HECTD2: variants seen among roughly 807,000 people sequenced by gnomAD.
HECTD2 encodes the protein HECT domain E3 ubiquitin protein ligase 2.
A neutral mutation model predicts 103.2 loss-of-function variants in HECTD2; 35 were observed. That is an observed-to-expected ratio of 0.34 (90% confidence interval 0.26 to 0.45). The LOEUF (loss-of-function observed/expected upper bound fraction) is 0.45. Among genes scored for constraint, HECTD2 ranks in the 20% least tolerant of loss-of-function variants. The pLI is 1.00. For synonymous variants in HECTD2, 281 were observed against 329.9 expected, an observed-to-expected ratio of 0.85 and a Z score of 1.61; for missense variants, 596 against 937.4, an observed-to-expected ratio of 0.64 and a Z score of 4.76.
At chr10:91,489,168 C>A (rs1360488797) in intron 11 of HECTD2, 1 of 152,138 alleles carries the variant, frequency 6.6e-6, no homozygotes, top group Non-Finnish European at 1.5e-5. Context: ...TTTTCTTCTA[C>A]TTTAAAGAAG....
chr10:91,449,424 C>G (rs927453631), intron 2 of HECTD2, among the ~76,000 whole-genome samples: 8 of 151,926 alleles, frequency 5.3e-5, no homozygotes, highest in African/African-American at 1.9e-4. Context: ...TATGACAAAC[C>G]CACAGTCAAT....
chr10:91,410,676 C>A, intron 1 of HECTD2, 100 bp downstream of exon 1: 1 of 1,083,492 alleles, frequency 9.2e-7, no homozygotes, highest in Non-Finnish European at 1.2e-6. Context: ...TTACCCTGGG[C>A]ACGCCCTGGC....
intron 3 of HECTD2, 99 bp downstream of exon 3, chr10:91,460,664 A>C: frequency 8.3e-7 from 1 of 1,200,988 alleles, no homozygotes; most frequent in East Asian, 2.6e-5. Context: ...TTGGATCACT[A>C]TAAGATATTA....
chr10:91,449,691 G>T (rs181317062), intron 2 of HECTD2, among the ~76,000 whole-genome samples: 1 of 152,162 alleles, frequency 6.6e-6, no homozygotes, highest in Non-Finnish European at 1.5e-5. Flanking sequence ...CTTCAGCAAA[G>T]TCTCAGGATA....
chr10:91,413,568 T>A (rs1019716960), intron 1 of HECTD2, among the ~76,000 whole-genome samples: 9 of 152,368 alleles, frequency 5.9e-5, no homozygotes, highest in South Asian at 2.1e-4. Context: ...GCATCTTTTT[T>A]AAATTTAATT....
intron 2 of HECTD2, among the ~76,000 whole-genome samples, chr10:91,426,603 C>T (rs192443393): frequency 6.6e-6 from 1 of 151,746 alleles, no homozygotes; most frequent in Admixed American, 6.6e-5. Flanking sequence ...CACACCCCTC[C>T]GTCACGCCAA....
intron 20 of HECTD2, among the ~76,000 whole-genome samples, chr10:91,510,930 C>T (rs369714296): frequency 3.5e-4 from 53 of 152,250 alleles, no homozygotes; most frequent in African/African-American, 1.3e-3. Context: ...TGTATATTTA[C>T]ATGTCTATTT....
rs1846798899 is a variant in HECTD2 at position 91,499,267 on chromosome 10, T to G, written c.1950+117T>G. ...TTTAAAATAGAAAATATTTTCTACT[T>G]TTTAAAAGTAGAACTAAAAACAAAA... is the stretch of plus-strand genomic sequence containing the variant. On this transcript the variant is annotated intron_variant, in intron 18 of 20. Transcript: ENST00000298068. 4.8e-6 allele frequency: 3 copies of G among 627,110 alleles called. No individual in the cohort carries two copies. In the South Asian group the frequency reaches 8.1e-5, roughly 17 times the overall value. 38.8% of individuals were successfully genotyped at this position (627,110 alleles called of 1,614,324 possible).
chr10:91,459,169 CAG>C (rs1845235478), intron 2 of HECTD2, among the ~76,000 whole-genome samples: 1 of 151,982 alleles, frequency 6.6e-6, no homozygotes, highest in East Asian at 1.9e-4. Flanking sequence ...TAAAATCACA[CAG>C]AAATATTATG....
intron 19 of HECTD2, among the ~76,000 whole-genome samples, chr10:91,500,901 T>C (rs1846875435): frequency 6.6e-6 from 1 of 152,130 alleles, no homozygotes; most frequent in Admixed American, 6.5e-5. Flanking sequence ...TCCTTGTAAA[T>C]AACAGTTTAA....
intron 1 of HECTD2, among the ~76,000 whole-genome samples, chr10:91,414,949 G>A (rs751966690): frequency 2.0e-5 from 3 of 152,112 alleles, no homozygotes; most frequent in Admixed American, 6.6e-5. Flanking sequence ...ACAACATAAT[G>A]AAATCAGTGG....
At chr10:91,419,781 G>A (rs1267892485) in intron 1 of HECTD2, among the ~76,000 whole-genome samples, 9 of 152,090 alleles carry the variant, frequency 5.9e-5, no homozygotes, top group African/African-American at 1.9e-4. Context: ...ACAGCTGGTT[G>A]AGTATCCCAC....
In HECTD2 at chr10:91,501,210, C is replaced by T. The variant is rs1473168338; in HGVS notation, c.2086C>T (p.Leu696Phe). The T allele has an allele frequency of 3.7e-6, 6 of 1,609,612 alleles. No homozygotes were observed. The highest frequency in any genetic ancestry group is 5.1e-6 in the Non-Finnish European group (6 of 1,177,688). Residue 696 changes from leucine (L) to phenylalanine (F), a missense_variant, in exon 20 of 21, where the codon CTT (leucine) becomes TTT (phenylalanine). Leu to Phe is a conservative substitution (Grantham distance 22). Transcript: ENST00000298068. ...LTIKYFWDVV[L>F]GFPLDLQKKL... Reference sequence around the variant, plus strand: ...CTCTAGATACTTTTGGGATGTTGTGCTTGGATTTCCTCTTGATCTTCAAAA... The same window carrying T: ...CTCTAGATACTTTTGGGATGTTGTGTTTGGATTTCCTCTTGATCTTCAAAA...
chr10:91,443,579 C>T (rs1049833919), intron 2 of HECTD2, among the ~76,000 whole-genome samples: 2 of 152,176 alleles, frequency 1.3e-5, no homozygotes, highest in Non-Finnish European at 2.9e-5. Context: ...CTTGAGGAGG[C>T]AGTCTGTCCC....
At chr10:91,503,547 C>T (rs562920510) in intron 20 of HECTD2, among the ~76,000 whole-genome samples, 3 of 152,204 alleles carry the variant, frequency 2.0e-5, no homozygotes, top group Non-Finnish European at 4.4e-5. Flanking sequence ...GTCACTCCCA[C>T]CCGAATACTG....
intron 5 of HECTD2, among the ~76,000 whole-genome samples, chr10:91,468,092 C>A (rs1473316494): frequency 6.6e-6 from 1 of 152,174 alleles, no homozygotes. Flanking sequence ...CTGGCACATG[C>A]AAGCAAGCAT....
intron 20 of HECTD2, among the ~76,000 whole-genome samples, chr10:91,511,150 T>A (rs1847404758): frequency 6.6e-6 from 1 of 152,236 alleles, no homozygotes; most frequent in South Asian, 2.1e-4. Flanking sequence ...ATGTTTTCCT[T>A]TTCTGTAGTG....
rs562026930 is a variant in HECTD2 at position 91,417,566 on chromosome 10, C to T, written c.138+6990C>T. Among the ~76,000 whole-genome samples, 25 of 151,060 alleles carry T rather than the reference C, an allele frequency of 1.7e-4. No homozygotes were observed. In the South Asian group the frequency reaches 4.2e-3, roughly 26 times the overall value. ...GTGTGTGATGTTCCCTTTCCTGTGT[C>T]CATGTGTTCTCATTGTTCAGTTCCC... On this transcript the variant is annotated intron_variant, in intron 1 of 20. Coordinates refer to ENST00000298068, the MANE Select transcript of HECTD2 (RefSeq NM_182765.6).
chr10:91,509,757 A>T (rs1159051821), intron 20 of HECTD2, among the ~76,000 whole-genome samples: 1 of 152,166 alleles, frequency 6.6e-6, no homozygotes, highest in East Asian at 1.9e-4. Context: ...AGGGAATGAC[A>T]AACACTGGGA....
Sources: allele counts gnomAD v4.1 joint callset (sites outside exome capture counted in the v4.1 genomes callset), GRCh38; gene constraint gnomAD v4.1.1; transcripts MANE v1.5; gene names NCBI Gene and HGNC (gene_info 2026-07-23, HGNC 2026-07-21).